Variants in RARB observed in about 807,000 individuals in gnomAD.
RARB encodes the protein HBV-activated protein.
A neutral mutation model predicts 51.9 loss-of-function variants in RARB; 17 were observed. The observed-to-expected ratio is 0.33, with a 90% CI of 0.22 to 0.49. The LOEUF (loss-of-function observed/expected upper bound fraction) is 0.49. Among genes scored for constraint, RARB ranks in the 20% least tolerant of loss-of-function variants. The probability of loss-of-function intolerance (pLI) is 0.99; values close to 1 mark genes in which losing one functional copy is unlikely to be tolerated. For synonymous variants in RARB, 215 were observed against 195.4 expected (o/e 1.10, Z -0.84); for missense variants, 369 against 550.8 (o/e 0.67, Z 3.30).
chr3:25,114,310 A>T (rs1699650585), intron 3 of RARB, among the ~76,000 whole-genome samples: 1 of 152,182 alleles, frequency 6.6e-6, no homozygotes, highest in African/African-American at 2.4e-5. Flanking sequence ...CATGTGCCCA[A>T]ACCAGACGGT....
intron 3 of RARB, among the ~76,000 whole-genome samples, chr3:25,107,524 A>G (rs914581338): frequency 2.0e-5 from 3 of 152,200 alleles, no homozygotes; most frequent in African/African-American, 7.2e-5. Context: ...TGAATTAAGC[A>G]GTGGAAATAA....
chr3:25,456,774 T>C (rs1159164730), intron 1 of RARB, among the ~76,000 whole-genome samples: 4 of 150,894 alleles, frequency 2.7e-5, no homozygotes, highest in African/African-American at 9.7e-5. Context: ...ATGATTTTTT[T>C]TGGGGATCGT....
chr3:24,952,859 C>T (rs1305709215), intron 2 of RARB, among the ~76,000 whole-genome samples: 3 of 150,936 alleles, frequency 2.0e-5, no homozygotes, highest in Non-Finnish European at 4.4e-5. Context: ...TAACAACCCC[C>T]AACAGTAAAA....
chr3:25,345,357 ATAGAGT>A (rs1705357202), intron 5 of RARB, among the ~76,000 whole-genome samples: 1 of 152,140 alleles, frequency 6.6e-6, no homozygotes, highest in African/African-American at 2.4e-5. Context: ...ATATTGGCAA[ATAGAGT>A]TAAACTATAA....
At chr3:25,076,160 T>A (rs79703475) in intron 3 of RARB, among the ~76,000 whole-genome samples, 1 of 141,222 alleles carries the variant, frequency 7.1e-6, no homozygotes, top group African/African-American at 2.6e-5. Flanking sequence ...TTTTTTTTTT[T>A]AGACAAAATC....
intron 3 of RARB, among the ~76,000 whole-genome samples, chr3:25,095,366 C>A (rs1383921365): frequency 6.6e-6 from 1 of 152,174 alleles, no homozygotes; most frequent in African/African-American, 2.4e-5. Flanking sequence ...TCAGCACCAT[C>A]TGGGAACTTC....
At chr3:25,228,839 T>A (rs1210094028) in intron 5 of RARB, among the ~76,000 whole-genome samples, 1 of 152,172 alleles carries the variant, frequency 6.6e-6, no homozygotes, top group Non-Finnish European at 1.5e-5. Context: ...TGAATGTTTC[T>A]CTCCTAGAAG....
intron 2 of RARB, among the ~76,000 whole-genome samples, chr3:25,027,521 G>C (rs1302703480): frequency 6.6e-6 from 1 of 151,998 alleles, no homozygotes; most frequent in African/African-American, 2.4e-5. Flanking sequence ...TTTTCTGTCT[G>C]TATAAGCCAG....
rs11425749 is a variant in RARB, at chr3:25,184,136, GT to G, written c.178+9571del. Among the ~76,000 whole-genome samples, 53 of 148,746 alleles carry G rather than the reference GT, an allele frequency of 3.6e-4. 1 individual carries two copies. In the South Asian group the frequency reaches 4.0e-3, roughly 11 times the overall value. On this transcript the variant is annotated intron_variant, in intron 5 of 11. Transcript: ENST00000383772. ...AAAATCTACAAATACAGAGTTTGTTGTTTTTTTTTTCTAGTTATTGCCCAAA... is the reference window on the plus strand; with the variant it reads ...AAAATCTACAAATACAGAGTTTGTTGTTTTTTTTTCTAGTTATTGCCCAAA...
At chr3:25,033,005 CAACTT>C (rs1697907072) in intron 2 of RARB, among the ~76,000 whole-genome samples, 1 of 152,198 alleles carries the variant, frequency 6.6e-6, no homozygotes, top group Non-Finnish European at 1.5e-5. Context: ...CATCACACAT[CAACTT>C]AAGTCATTCC....
At chr3:25,484,972 C>T (rs951518863) in intron 2 of RARB, among the ~76,000 whole-genome samples, 1 of 152,056 alleles carries the variant, frequency 6.6e-6, no homozygotes, top group African/African-American at 2.4e-5. Context: ...CATTTATAGT[C>T]ATATTAATAA....
intron 4 of RARB, among the ~76,000 whole-genome samples, chr3:25,572,515 G>A (rs998846410): frequency 5.3e-5 from 8 of 152,072 alleles, no homozygotes; most frequent in African/African-American, 1.9e-4. Flanking sequence ...GGTGAGACTT[G>A]AACCTAAACA....
At chr3:25,225,317 G>A (rs149484464) in intron 5 of RARB, among the ~76,000 whole-genome samples, 58 of 152,134 alleles carry the variant, frequency 3.8e-4, no homozygotes, top group African/African-American at 1.1e-3. Flanking sequence ...GAGAGGAGAG[G>A]CATTTTAGTA....
intron 5 of RARB, among the ~76,000 whole-genome samples, chr3:25,207,140 C>T (rs1184608568): frequency 1.3e-5 from 2 of 152,164 alleles, no homozygotes; most frequent in African/African-American, 4.8e-5. Flanking sequence ...GTATAAATCA[C>T]TACTGCTTTT....
chr3:24,906,282 T>C (rs964644331), intron 2 of RARB, among the ~76,000 whole-genome samples: 1 of 152,152 alleles, frequency 6.6e-6, no homozygotes, highest in African/African-American at 2.4e-5. Flanking sequence ...GCTGGAATGA[T>C]GGCTGGGTTT....
intron 2 of RARB, among the ~76,000 whole-genome samples, chr3:24,871,435 C>CCCTCGCTACCATGTCCTACATTT (rs1246452518): frequency 2.6e-5 from 4 of 152,126 alleles, no homozygotes; most frequent in Non-Finnish European, 4.4e-5. Context: ...TTAGGGCATT[C>CCCTCGCTACCATGTCCTACATTT]CCTCGCTACC....
intron 5 of RARB, among the ~76,000 whole-genome samples, chr3:25,339,468 C>T (rs1705158512): frequency 6.6e-6 from 1 of 152,136 alleles, no homozygotes; most frequent in South Asian, 2.1e-4. Context: ...GTCCATAAAT[C>T]TTCCACCACG....
chr3:25,165,863 G>A (rs1700552592), intron 4 of RARB, among the ~76,000 whole-genome samples: 1 of 151,994 alleles, frequency 6.6e-6, no homozygotes, highest in African/African-American at 2.4e-5. Flanking sequence ...TGTAATATAT[G>A]TGCATTTCTG....
At chr3:25,491,725 G>C (rs551783384) in intron 2 of RARB, among the ~76,000 whole-genome samples, 2 of 152,098 alleles carry the variant, frequency 1.3e-5, no homozygotes, top group Non-Finnish European at 2.9e-5. Context: ...CAAATCGTTC[G>C]AGGCCAGGAG....
Sources: allele counts gnomAD v4.1 joint callset (sites outside exome capture counted in the v4.1 genomes callset), GRCh38; gene constraint gnomAD v4.1.1; transcripts MANE v1.5; gene names NCBI Gene and HGNC (gene_info 2026-07-23, HGNC 2026-07-21).